Variants in ADAMTSL2 observed in about 807,000 individuals in gnomAD.
The protein encoded by ADAMTSL2 is ADAMTS-like protein 2.
A neutral mutation model predicts 117.0 loss-of-function variants in ADAMTSL2; 55 were observed. The ratio of observed to expected loss-of-function variants is 0.47; its 90% CI spans 0.38 to 0.59. ADAMTSL2 has a LOEUF of 0.59. Among genes scored for constraint, ADAMTSL2 ranks in the 20% least tolerant of loss-of-function variants. ADAMTSL2 has a pLI of 0.00. For missense variants in ADAMTSL2, 1,182 were observed against 1,354.5 expected, an observed-to-expected ratio of 0.87 and a Z score of 2.00; for synonymous variants, 572 against 566.4, an observed-to-expected ratio of 1.01 and a Z score of -0.14.
chr9:133,533,652 G>A (rs1211542128), upstream of ADAMTSL2, among the ~76,000 whole-genome samples: 1 of 152,172 alleles, frequency 6.6e-6, no homozygotes, highest in African/African-American at 2.4e-5. Flanking sequence ...TCAGACACAG[G>A]GCAGAACTTT....
intron 9 of ADAMTSL2, among the ~76,000 whole-genome samples, chr9:133,548,737 C>A (rs1374085742): frequency 6.6e-6 from 1 of 152,168 alleles, no homozygotes; most frequent in African/African-American, 2.4e-5. Context: ...CTCCCCCTGG[C>A]TGAGGGAAAT....
Position 133,575,058 on chromosome 9 carries a change from C to T in ADAMTSL2, c.*194C>T. On this transcript the variant is annotated 3_prime_UTR_variant, in exon 19 of 19. Transcript: ENST00000651351. ...TGCTCCTGGGGCAGAGCCTCCGGCA[C>T]CCAGTGGCCTCCCCCAGACAGAGCC... 1.7e-6 allele frequency: 1 copy of T among 600,884 alleles called. No homozygotes were observed. Among genetic ancestry groups the T allele is most frequent in the Non-Finnish European group, 3.0e-6 (1 of 336,436 alleles). 37.2% of individuals were successfully genotyped at this position (600,884 alleles called of 1,614,324 possible). A position where few individuals can be genotyped will look rare whatever the true frequency, so the allele number is the denominator to read the frequency against.
intron 15 of ADAMTSL2, 134 bp downstream of exon 15, chr9:133,568,892 C>G: frequency 8.3e-7 from 1 of 1,203,488 alleles, no homozygotes; most frequent in Non-Finnish European, 1.2e-6. Context: ...AGCCTTCTCC[C>G]ATGTTATTAT....
chr9:133,573,905 C>A lies in ADAMTSL2; in HGVS notation c.2655C>A (p.Asp885Glu). 1 of 1,614,142 alleles carries A rather than the reference C, an allele frequency of 6.2e-7. No homozygotes were observed. Among genetic ancestry groups the A allele is most frequent in the South Asian group, 1.1e-5 (1 of 91,084 alleles). The stretch of plus-strand genomic sequence containing the variant: ...ACGTCAAGTGCTACCAGGGGACCGA[C>A]ATCGTCCGTGGTTGCGATCCGTTGG... ...MRDVKCYQGT[D>E]IVRGCDPLVK... Residue 885 changes from aspartate to glutamate, a missense_variant, in exon 18 of 19, where the codon GAC (aspartate) becomes GAA (glutamate). This residue lies in a region of ADAMTSL2 where 465 missense variants were observed against 565.3 expected (regional missense o/e 0.82). Coordinates refer to ENST00000651351, the MANE Select transcript of ADAMTSL2 (RefSeq NM_014694.4).
At chr9:133,561,347 G>A in intron 12 of ADAMTSL2, 52 bp downstream of exon 12, 1 of 1,503,910 alleles carries the variant, frequency 6.6e-7, no homozygotes, top group South Asian at 1.2e-5. Context: ...CCATTTCCAT[G>A]GACATGGGCT....
intron 8 of ADAMTSL2, 94 bp downstream of exon 8, chr9:133,544,644 C>T (rs1830306292): frequency 2.8e-6 from 3 of 1,086,474 alleles, no homozygotes; most frequent in Non-Finnish European, 4.3e-6. Context: ...TGGACCCCTT[C>T]CTCCAGGACA....
intron 11 of ADAMTSL2, 100 bp from the exon 12 acceptor site, chr9:133,561,098 G>T: frequency 9.9e-7 from 1 of 1,006,444 alleles, no homozygotes; most frequent in South Asian, 1.4e-5. Flanking sequence ...TGCTTCAGGC[G>T]AACATACCCT....
At position 133,557,212 on chromosome 9, in the gene ADAMTSL2, C is replaced by T. The variant is rs1156599864; in HGVS notation, c.1649+1282C>T. ...GACCAGAGCAACAAAGCCAACCTCC[C>T]TGGTGAGCCAGGAGCCCCAGGGGAT... On this transcript the variant is annotated intron_variant, in intron 11 of 18. Coordinates refer to ENST00000651351, the MANE Select transcript of ADAMTSL2 (RefSeq NM_014694.4). This position sits in a 1 kb window ranked among gnomAD's most constrained non-coding sequence, Gnocchi z 5.2. 6.6e-6 allele frequency among the ~76,000 whole-genome samples: 1 copy of T among 152,208 alleles called. No individual in the cohort carries two copies. Among genetic ancestry groups the T allele is most frequent in the Non-Finnish European group, 1.5e-5 (1 of 68,036 alleles).
intron 9 of ADAMTSL2, among the ~76,000 whole-genome samples, chr9:133,553,665 G>A (rs775559585): frequency 6.6e-6 from 1 of 152,164 alleles, no homozygotes; most frequent in Non-Finnish European, 1.5e-5. Context: ...CTGCCAGCCC[G>A]TGACCCTCTC....
intron 12 of ADAMTSL2, among the ~76,000 whole-genome samples, chr9:133,564,192 G>C (rs1830855526): frequency 1.2e-5 from 1 of 85,114 alleles, no homozygotes. Flanking sequence ...GGGAGAGAGA[G>C]AGAGAGGGAG....
At chr9:133,556,433 T>C (rs1830607208) in intron 11 of ADAMTSL2, among the ~76,000 whole-genome samples, 1 of 152,132 alleles carries the variant, frequency 6.6e-6, no homozygotes, top group Non-Finnish European at 1.5e-5. Flanking sequence ...CACACACGCC[T>C]GTAGGAGGAG....
chr9:133,535,489 C>A (rs1830030458), intron 1 of ADAMTSL2, among the ~76,000 whole-genome samples: 1 of 152,148 alleles, frequency 6.6e-6, no homozygotes. Context: ...TGAAAATCTG[C>A]AGGTGCCGGG....
At position 133,554,674 on chromosome 9, in the gene ADAMTSL2, C is replaced by G; in HGVS notation, c.1257C>G (p.Pro419=). The G allele has an allele frequency of 6.6e-7, 1 of 1,512,700 alleles. No homozygotes were observed. Among genetic ancestry groups the G allele is most frequent in the East Asian group, 2.4e-5 (1 of 41,004 alleles). 93.7% of individuals were successfully genotyped at this position (1,512,700 alleles called of 1,614,324 possible). The part of the protein sequence containing the change: ...QAGGGACEGP[P]RGKGFRDRNV... ...GCGGCGGGGCCTGCGAGGGGCCCCC[C>G]AGGGGCAAGGGCTTCCGAGGTAACC... The change falls in exon 10 of 19, where the codon CCC becomes CCG. Residue 419 remains proline (P), a synonymous_variant. Coordinates refer to ENST00000651351, the MANE Select transcript of ADAMTSL2 (RefSeq NM_014694.4). This position sits in a 1 kb window ranked among gnomAD's most constrained non-coding sequence, Gnocchi z 5.2.
chr9:133,561,117 A>G, intron 11 of ADAMTSL2, 81 bp from the exon 12 acceptor site: 10 of 1,250,136 alleles, frequency 8.0e-6, no homozygotes, highest in Non-Finnish European at 1.0e-5. Flanking sequence ...CTCCGAAGAA[A>G]ACTCCCTCGC....
In ADAMTSL2 at chr9:133,554,155, G is replaced by T. The variant is rs916503540; in HGVS notation, c.940-202G>T. Among the ~76,000 whole-genome samples, 1 of 152,190 alleles carries T rather than the reference G, an allele frequency of 6.6e-6. No individual in the cohort carries two copies. Among genetic ancestry groups the T allele is most frequent in the Non-Finnish European group, 1.5e-5 (1 of 68,028 alleles). On this transcript the variant is annotated intron_variant, in intron 9 of 18. Coordinates refer to ENST00000651351, the MANE Select transcript of ADAMTSL2 (RefSeq NM_014694.4). The surrounding 1 kb of genome is among the most constrained non-coding windows in gnomAD (Gnocchi z 5.2). Reference sequence around the variant, plus strand: ...CCCCCACCACACATCCCCAGCCCCCGCCCTGTTCCCAGGCTCTTTGACTTG... The same window carrying T: ...CCCCCACCACACATCCCCAGCCCCCTCCCTGTTCCCAGGCTCTTTGACTTG...
chr9:133,541,989 T>C (rs886426665), intron 7 of ADAMTSL2, among the ~76,000 whole-genome samples: 1 of 152,224 alleles, frequency 6.6e-6, no homozygotes, highest in African/African-American at 2.4e-5. Context: ...CAGACCCACT[T>C]AGCAGATGGG....
intron 12 of ADAMTSL2, among the ~76,000 whole-genome samples, chr9:133,565,975 T>C (rs750461373): frequency 3.3e-4 from 50 of 152,180 alleles, no homozygotes; most frequent in Non-Finnish European, 5.1e-4. Context: ...GAGCTGGGCC[T>C]GTGTGGCAGT....
At position 133,538,395 on chromosome 9, in the gene ADAMTSL2, T is replaced by C. The variant is rs1258241318; in HGVS notation, c.280T>C (p.Ser94Pro). 2 of 1,613,272 alleles carry C rather than the reference T, an allele frequency of 1.2e-6. No individual in the cohort carries two copies. Among genetic ancestry groups the C allele is most frequent in the African/African-American group, 2.7e-5 (2 of 75,068 alleles). Residue 94 changes from serine to proline, a missense_variant, in exon 4 of 19, where the codon TCC (serine) becomes CCC (proline). Around this residue, in one of 3 missense-constraint regions of ADAMTSL2, gnomAD observed 372 missense variants for 463.4 expected, o/e 0.80. Coordinates refer to ENST00000651351, the MANE Select transcript of ADAMTSL2 (RefSeq NM_014694.4). Reference protein sequence around the residue: ...GPGNRTCTGTSKRYQLCRVQE... With the variant: ...GPGNRTCTGTPKRYQLCRVQE... ...CGGGAACAGGACCTGCACGGGCACG[T>C]CCAAGCGGTACCAGCTCTGCAGAGT...
upstream of ADAMTSL2, among the ~76,000 whole-genome samples, chr9:133,533,656 G>A (rs1829986026): frequency 6.6e-6 from 1 of 152,176 alleles, no homozygotes; most frequent in Non-Finnish European, 1.5e-5. Context: ...ACACAGGGCA[G>A]AACTTTCTCA....
Sources: allele counts gnomAD v4.1 joint callset (sites outside exome capture counted in the v4.1 genomes callset), GRCh38; gene constraint gnomAD v4.1.1; regional missense constraint gnomAD v4.1.1; non-coding constraint Gnocchi (gnomAD v3.1); transcripts MANE v1.5; gene names NCBI Gene and HGNC (gene_info 2026-07-23, HGNC 2026-07-21).